The following CD58 variants were observed in gnomAD, a reference collection of about 807,000 sequenced individuals.
CD58 encodes the protein CD58 molecule, also known as lymphocyte function-associated antigen 3.
In CD58, 14 loss-of-function variants were observed where a neutral mutation model predicts 27.6. The observed-to-expected ratio is 0.51, with a 90% CI of 0.34 to 0.79. CD58 has a LOEUF of 0.79. Among genes scored for constraint, CD58 ranks in the 30% least tolerant of loss-of-function variants. The pLI, the probability that CD58 is intolerant of heterozygous loss-of-function variation, is 0.02. For missense variants in CD58, 268 were observed against 301.7 expected (o/e 0.89, Z 0.83); for synonymous variants, 117 against 103.8 (o/e 1.13, Z -0.77).
chr1:116,522,254 T>C lies in CD58; in HGVS notation c.629-271A>G, dbSNP rs1431948404. ...CTGTTAACAAGTGTCCTATTTGCAG[T>C]CTATTTAGTGCCATGATTTTGCATT... On this transcript the variant is annotated intron_variant, in intron 3 of 5. Coordinates refer to ENST00000369489, the MANE Select transcript of CD58 (RefSeq NM_001779.3). This position sits in a 1 kb window ranked among gnomAD's most constrained non-coding sequence, Gnocchi z 4.6. 1.3e-5 allele frequency among the ~76,000 whole-genome samples: 2 copies of C among 152,234 alleles called. No individual in the cohort carries two copies. Among genetic ancestry groups the C allele is most frequent in the African/African-American group, 4.8e-5 (2 of 41,464 alleles).
rs957720795 is a variant in CD58, at chr1:116,515,865, C to T, written c.744-1043G>A. On this transcript the variant is annotated intron_variant, in intron 5 of 5. Coordinates refer to ENST00000369489, the MANE Select transcript of CD58 (RefSeq NM_001779.3). The surrounding 1 kb of genome is among the most constrained non-coding windows in gnomAD (Gnocchi z 4.6). ...TGAGAAGTGTGGCGTGGCCATTTCCCGTCAGATGTCTGCTATCTACTCATC... is the reference window on the plus strand; with the variant it reads ...TGAGAAGTGTGGCGTGGCCATTTCCTGTCAGATGTCTGCTATCTACTCATC... 2.0e-5 allele frequency among the ~76,000 whole-genome samples: 3 copies of T among 152,238 alleles called. No individual in the cohort carries two copies. Among genetic ancestry groups the T allele is most frequent in the East Asian group, 1.9e-4 (1 of 5,188 alleles).
rs71692419 is a variant in CD58 at position 116,519,638 on chromosome 1, T to TA, written c.707-372dup. Among the ~76,000 whole-genome samples, 12,834 of 151,560 alleles carry TA rather than the reference T, an allele frequency of 0.085. 1,271 individuals carry two copies. The highest frequency in any genetic ancestry group is 0.53 in the East Asian group (2,745 of 5,162). ...AATTTTTGGTATCCACATTACAAAG[T>TA]AAAAAAAAATGTAAATTTTAATATT... On this transcript the variant is annotated intron_variant, in intron 4 of 5. Transcript: ENST00000369489. This position sits in a 1 kb window ranked among gnomAD's most constrained non-coding sequence, Gnocchi z 4.7.
chr1:116,518,045 T>G (rs1385767980), intron 5 of CD58, among the ~76,000 whole-genome samples: 3 of 152,230 alleles, frequency 2.0e-5, no homozygotes, highest in Non-Finnish European at 4.4e-5. Context: ...TGTACTTATA[T>G]TAATATATTT....
chr1:116,552,150 A>T lies in CD58; in HGVS notation c.71-7546T>A, dbSNP rs1301172177. ...CTTTTCACTTGAGCACTTAGAAGCC[A>T]TTGCAGGGTTATTAAATTGGCCTAA... On this transcript the variant is annotated intron_variant, in intron 1 of 5. Transcript: ENST00000369489. This position sits in a 1 kb window ranked among gnomAD's most constrained non-coding sequence, Gnocchi z 4.5. Among the ~76,000 whole-genome samples, 7 of 152,200 alleles carry T rather than the reference A, an allele frequency of 4.6e-5. No homozygotes were observed. Among genetic ancestry groups the T allele is most frequent in the Admixed American group, 4.6e-4 (7 of 15,278 alleles).
At chr1:116,551,131 C>T (rs1658374742) in intron 1 of CD58, among the ~76,000 whole-genome samples, 1 of 152,164 alleles carries the variant, frequency 6.6e-6, no homozygotes, top group South Asian at 2.1e-4. Flanking sequence ...TAAATGAGCA[C>T]TGGCTTCAAC....
At chr1:116,533,092 G>GTA (rs1657670444) in intron 3 of CD58, 2 of 743,192 alleles carry the variant, frequency 2.7e-6, no homozygotes, top group African/African-American at 1.7e-5. Context: ...CCCCAGCGAA[G>GTA]TACAGCACAG....
At chr1:116,564,746 A>G (rs926376115) in intron 1 of CD58, among the ~76,000 whole-genome samples, 1 of 152,162 alleles carries the variant, frequency 6.6e-6, no homozygotes, top group Admixed American at 6.5e-5. Flanking sequence ...CCCTTGACAT[A>G]TGGGGATTAT....
intron 1 of CD58, among the ~76,000 whole-genome samples, chr1:116,562,469 T>G (rs931325956): frequency 6.6e-6 from 1 of 152,114 alleles, no homozygotes; most frequent in Non-Finnish European, 1.5e-5. Flanking sequence ...ACTACAGGCG[T>G]GCACCACCAC....
Position 116,521,168 on chromosome 1 carries a change from A to T in CD58, c.706+738T>A, listed in dbSNP as rs974750778. 1.3e-5 allele frequency among the ~76,000 whole-genome samples: 2 copies of T among 152,348 alleles called. No individual in the cohort carries two copies. The highest frequency in any genetic ancestry group is 4.1e-4 in the South Asian group (2 of 4,830). ...CTAAGGAAACTGAAATCTAGTTTAT[A>T]AACTTGATTCATGACACAATGGATC... On this transcript the variant is annotated intron_variant, in intron 4 of 5. Coordinates refer to ENST00000369489, the MANE Select transcript of CD58 (RefSeq NM_001779.3). The surrounding 1 kb of genome is among the most constrained non-coding windows in gnomAD (Gnocchi z 5.6).
chr1:116,526,285 G>A (rs962875740), intron 3 of CD58, among the ~76,000 whole-genome samples: 2 of 152,028 alleles, frequency 1.3e-5, no homozygotes, highest in Non-Finnish European at 2.9e-5. Context: ...AGTTATCTAG[G>A]TTTTCTCTTA....
chr1:116,553,567 G>A (rs1658462021), intron 1 of CD58, among the ~76,000 whole-genome samples: 3 of 152,116 alleles, frequency 2.0e-5, no homozygotes, highest in Admixed American at 1.3e-4. Flanking sequence ...GGGTTGTGGT[G>A]TCTTTCCCTA....
Position 116,541,850 on chromosome 1 carries a change from CT to C in CD58, c.364+2460del. 6.6e-6 allele frequency among the ~76,000 whole-genome samples: 1 copy of C among 152,220 alleles called. No homozygotes were observed. The highest frequency in any genetic ancestry group is 2.1e-4 in the South Asian group (1 of 4,824). On this transcript the variant is annotated intron_variant, in intron 2 of 5. Coordinates refer to ENST00000369489, the MANE Select transcript of CD58 (RefSeq NM_001779.3). This position sits in a 1 kb window ranked among gnomAD's most constrained non-coding sequence, Gnocchi z 5.3. The stretch of plus-strand genomic sequence containing the variant: ...ATTTAAAGCCCTGACATGGGATGAG[CT>C]CACCCACTGGCTATGAACGCAGACA...
At chr1:116,537,209 T>C (rs1657842749) in intron 2 of CD58, among the ~76,000 whole-genome samples, 2 of 152,238 alleles carry the variant, frequency 1.3e-5, no homozygotes, top group Admixed American at 6.5e-5. Context: ...CAGTGCACTC[T>C]AGCTCACTAC....
At chr1:116,526,237 T>C (rs1407825685) in intron 3 of CD58, among the ~76,000 whole-genome samples, 1 of 152,270 alleles carries the variant, frequency 6.6e-6, no homozygotes, top group Non-Finnish European at 1.5e-5. Context: ...TCATGAATCA[T>C]GTCTTTGGTG....
Position 116,536,037 on chromosome 1 carries a change from G to C in CD58, c.556C>G (p.Gln186Glu). 6.8e-6 allele frequency: 11 copies of C among 1,612,148 alleles called. No individual in the cohort carries two copies. Among genetic ancestry groups the C allele is most frequent in the Non-Finnish European group, 9.3e-6 (11 of 1,178,562 alleles). The change falls in exon 3 of 6, where the codon CAG (glutamine) becomes GAG (glutamate). Residue 186 changes from glutamine (Q) to glutamate (E), a missense_variant. Transcript: ENST00000369489. The surrounding 1 kb of genome is among the most constrained non-coding windows in gnomAD (Gnocchi z 5.4). ...KMENDLPQKI[Q>E]CTLSNPLFNT... ...AATAATGGATTGCTAAGAGTACACTGTATTTTTTGTGGAAGATCATTTTCC... is the reference window on the plus strand; with the variant it reads ...AATAATGGATTGCTAAGAGTACACTCTATTTTTTGTGGAAGATCATTTTCC...
At chr1:116,540,537 T>C (rs1657957008) in intron 2 of CD58, among the ~76,000 whole-genome samples, 1 of 152,154 alleles carries the variant, frequency 6.6e-6, no homozygotes, top group Admixed American at 6.5e-5. Context: ...GTATGCACCA[T>C]CACATTAATC....
intron 1 of CD58, among the ~76,000 whole-genome samples, chr1:116,567,479 T>TAAAAA (rs1360352463): frequency 2.0e-5 from 3 of 150,884 alleles, no homozygotes; most frequent in Non-Finnish European, 3.0e-5. Flanking sequence ...CTACAAAAAC[T>TAAAAA]AAAAAAAAAT....
Position 116,544,444 on chromosome 1 carries a change from A to G in CD58, c.231T>C (p.Phe77=). 6.2e-7 allele frequency: 1 copy of G among 1,614,116 alleles called. No individual in the cohort carries two copies. The highest frequency in any genetic ancestry group is 8.5e-7 in the Non-Finnish European group (1 of 1,179,962). Residue 77 remains phenylalanine (F), a synonymous_variant, in exon 2 of 6, where the codon TTT becomes TTC. Coordinates refer to ENST00000369489, the MANE Select transcript of CD58 (RefSeq NM_001779.3). ...CAGTGTCTAAATAAACCCTATTTTT[A>G]AAAGATGAGAAAGCTCTGAATTCAG... ...ENSEFRAFSS[F]KNRVYLDTVS...
intron 3 of CD58, among the ~76,000 whole-genome samples, chr1:116,530,659 A>G (rs932277713): frequency 1.5e-4 from 23 of 152,350 alleles, no homozygotes; most frequent in African/African-American, 4.6e-4. Context: ...AAAGCATTGG[A>G]AAGTTTAGAT....
Sources: gnomAD v4.1 joint callset for allele counts (sites outside exome capture counted in the v4.1 genomes callset) on GRCh38, gnomAD v4.1.1 for gene constraint, Gnocchi (gnomAD v3.1) non-coding constraint, MANE v1.5 for transcripts, NCBI Gene and HGNC (gene_info 2026-07-23, HGNC 2026-07-21) for gene names.